NR3C1: variants seen among roughly 807,000 people sequenced by gnomAD.
NR3C1 encodes the protein glucocorticoid receptor.
NR3C1 carries 14 observed loss-of-function variants against 74.0 expected under a neutral mutation model. That is an observed-to-expected ratio of 0.19 (90% CI 0.12 to 0.30). The LOEUF (loss-of-function observed/expected upper bound fraction) is 0.30. NR3C1 is among the 10% of genes least tolerant of loss of function. The probability of loss-of-function intolerance (pLI) is 1.00; values close to 1 mark genes in which losing one functional copy is unlikely to be tolerated. For missense variants in NR3C1, 695 were observed against 909.8 expected, an observed-to-expected ratio of 0.76 and a Z score of 3.04; for synonymous variants, 308 against 332.5, an observed-to-expected ratio of 0.93 and a Z score of 0.80.
intron 2 of NR3C1, among the ~76,000 whole-genome samples, chr5:143,348,984 C>G (rs1829777332): frequency 6.6e-6 from 1 of 152,070 alleles, no homozygotes; most frequent in African/African-American, 2.4e-5. Context: ...AAATTTTACA[C>G]AAATTCTTAA....
At chr5:143,318,526 T>C (rs1338364151) in intron 2 of NR3C1, among the ~76,000 whole-genome samples, 1 of 152,100 alleles carries the variant, frequency 6.6e-6, no homozygotes, top group Non-Finnish European at 1.5e-5. Flanking sequence ...TATAAAAGAG[T>C]CACATTTGTC....
intron 1 of NR3C1, among the ~76,000 whole-genome samples, chr5:143,425,871 T>C (rs1254288682): frequency 3.3e-5 from 5 of 152,210 alleles, no homozygotes. Flanking sequence ...ATTCAACTCC[T>C]AGGAATTTAC....
intron 2 of NR3C1, chr5:143,375,810 T>A (rs1003464505): frequency 2.6e-5 from 4 of 152,216 alleles, no homozygotes; most frequent in African/African-American, 7.2e-5. Flanking sequence ...TAAGGGTTAA[T>A]GTATAAAGTA....
At chr5:143,304,778 T>G (rs751522892) in intron 4 of NR3C1, among the ~76,000 whole-genome samples, 2 of 151,724 alleles carry the variant, frequency 1.3e-5, no homozygotes, top group East Asian at 3.9e-4. Context: ...CTACACAAAG[T>G]TGATAAAAAT....
At position 143,403,502 on chromosome 5, in the gene NR3C1, T is replaced by G. The variant is rs1314297554; in HGVS notation, c.-305A>C. 2 of 984,998 alleles carry G rather than the reference T, an allele frequency of 2.0e-6. No homozygotes were observed. The highest frequency in any genetic ancestry group is 5.2e-4 in the Middle Eastern group (1 of 1,936). 61.0% of individuals were successfully genotyped at this position (984,998 alleles called of 1,614,324 possible). Reference sequence around the variant, plus strand: ...TCCCAGCTGCTTCGGCCGCTCCGGCTGCGGCGTCTCCTTCCACCCACAGAA... The same window carrying G: ...TCCCAGCTGCTTCGGCCGCTCCGGCGGCGGCGTCTCCTTCCACCCACAGAA... On this transcript the variant is annotated 5_prime_UTR_variant, in exon 1 of 9. Coordinates refer to ENST00000394464, the MANE Select transcript of NR3C1 (RefSeq NM_000176.3).
Position 143,403,314 on chromosome 5 carries a change from T to A in NR3C1, c.-117A>T, listed in dbSNP as rs914138826. 125 of 982,224 alleles carry A rather than the reference T, an allele frequency of 1.3e-4. No homozygotes were observed. Among genetic ancestry groups the A allele is most frequent in the East Asian group, 2.3e-4 (2 of 8,792 alleles). 60.8% of individuals were successfully genotyped at this position (982,224 alleles called of 1,614,324 possible). ...CAGAAGGAGCAGGAGGGAAATATAT[T>A]TTTTTTTTCTAAAAAAAGGAAGTAA... is the stretch of plus-strand genomic sequence containing the variant. On this transcript the variant is annotated 5_prime_UTR_variant, in exon 1 of 9. Transcript: ENST00000394464.
intron 2 of NR3C1, chr5:143,332,784 A>T: frequency 6.4e-7 from 1 of 1,571,026 alleles, no homozygotes; most frequent in Admixed American, 1.7e-5. Context: ...CATCGAAAGG[A>T]TTGATGGCGT....
At chr5:143,329,738 C>T (rs1453885571) in intron 2 of NR3C1, among the ~76,000 whole-genome samples, 1 of 152,106 alleles carries the variant, frequency 6.6e-6, no homozygotes, top group African/African-American at 2.4e-5. Context: ...GAAATTAACA[C>T]CTTTTTTTAA....
At chr5:143,289,103 G>T (rs557004004) in intron 7 of NR3C1, among the ~76,000 whole-genome samples, 1 of 148,418 alleles carries the variant, frequency 6.7e-6, no homozygotes, top group South Asian at 2.1e-4. Context: ...AAGTGGAAAT[G>T]CAAGGAAACT....
intron 7 of NR3C1, chr5:143,294,364 A>C: frequency 2.3e-6 from 2 of 887,026 alleles, no homozygotes; most frequent in Non-Finnish European, 2.7e-6. Flanking sequence ...GAAATGGCCT[A>C]AGGTTTATAA....
chr5:143,333,651 C>T (rs1171596835), intron 2 of NR3C1, among the ~76,000 whole-genome samples: 1 of 152,166 alleles, frequency 6.6e-6, no homozygotes, highest in South Asian at 2.1e-4. Context: ...GCCTGTAGTC[C>T]CAGCTACTCG....
chr5:143,297,050 C>T (rs1227906400), intron 6 of NR3C1, among the ~76,000 whole-genome samples: 1 of 136,256 alleles, frequency 7.3e-6, no homozygotes, highest in Non-Finnish European at 1.5e-5. Flanking sequence ...GCACTTGAGC[C>T]TGGGTGACAG....
At chr5:143,339,384 A>T (rs1827783019) in intron 2 of NR3C1, among the ~76,000 whole-genome samples, 1 of 152,068 alleles carries the variant, frequency 6.6e-6, no homozygotes, top group Admixed American at 6.5e-5. Context: ...TAATTCTCTT[A>T]TCTTCTCCCC....
chr5:143,296,585 A>G (rs1006392900), intron 6 of NR3C1, among the ~76,000 whole-genome samples: 3 of 152,034 alleles, frequency 2.0e-5, no homozygotes, highest in Non-Finnish European at 2.9e-5. Flanking sequence ...GTGTAGTAGA[A>G]TAAGTAAAAA....
intron 2 of NR3C1, among the ~76,000 whole-genome samples, chr5:143,396,776 C>T (rs1335745411): frequency 6.6e-6 from 1 of 151,722 alleles, no homozygotes; most frequent in South Asian, 2.1e-4. Flanking sequence ...CTTCAGGATA[C>T]GAACAATTTT....
Position 143,400,208 on chromosome 5 carries a change from C to A in NR3C1, c.632G>T (p.Ser211Ile). Residue 211 changes from serine (S) to isoleucine (I), a missense_variant, in exon 2 of 9, where the codon AGT becomes ATT. By Grantham distance (142) the Ser-to-Ile change is moderately radical (BLOSUM62 -2). Around this residue, in one of 4 missense-constraint regions of NR3C1, gnomAD observed 497 missense variants for 489.5 expected, o/e 1.02. Transcript: ENST00000394464. ...TATCAACAGGTCTGATCTCCAAGGA[C>A]TCTCATTCGTCTCTTTACCTGGGGA... The part of the protein sequence containing the change: ...SGSPGKETNE[S>I]PWRSDLLIDE... 8 of 1,608,800 alleles carry A rather than the reference C, an allele frequency of 5.0e-6. No individual in the cohort carries two copies. The highest frequency in any genetic ancestry group is 6.8e-6 in the Non-Finnish European group (8 of 1,177,882).
intron 2 of NR3C1, among the ~76,000 whole-genome samples, chr5:143,385,278 G>A (rs566630249): frequency 6.6e-6 from 1 of 152,288 alleles, no homozygotes; most frequent in Admixed American, 6.5e-5. Context: ...TGCCATGAAG[G>A]TCTCTGACAT....
chr5:143,294,830 T>C (rs1816811346), intron 7 of NR3C1: 15 of 722,096 alleles, frequency 2.1e-5, no homozygotes, highest in Non-Finnish European at 2.2e-5. Context: ...TATTTCTTTT[T>C]AGTCCTCAAT....
At chr5:143,405,357 G>T (rs1263491959), upstream of NR3C1, 1 of 985,648 alleles carries the variant, frequency 1.0e-6, no homozygotes, top group East Asian at 1.1e-4. Context: ...CAGACTGACG[G>T]CGGCTCCCCC....
Sources: gnomAD v4.1 joint callset for allele counts (sites outside exome capture counted in the v4.1 genomes callset) on GRCh38, gnomAD v4.1.1 for gene constraint, gnomAD v4.1.1 regional missense constraint, MANE v1.5 for transcripts, NCBI Gene and HGNC (gene_info 2026-07-23, HGNC 2026-07-21) for gene names.